SUPT3H: variants seen among roughly 807,000 people sequenced by gnomAD.
SUPT3H encodes the protein transcription initiation protein SPT3 homolog.
SUPT3H carries 44 observed loss-of-function variants against 44.3 expected under a neutral mutation model. That is an observed-to-expected ratio of 0.99 (90% CI 0.78 to 1.28). The LOEUF (loss-of-function observed/expected upper bound fraction) is 1.28, where lower values mean the gene tolerates loss of function less well. Among genes scored for constraint, SUPT3H ranks in the 50% most tolerant of loss-of-function variants. The probability of loss-of-function intolerance (pLI) is 0.00; values close to 1 mark genes in which losing one functional copy is unlikely to be tolerated. For missense variants in SUPT3H, 380 were observed against 387.1 expected (o/e 0.98, Z 0.15); for synonymous variants, 124 against 125.6 (o/e 0.99, Z 0.09).
chr6:44,860,881 T>C (rs1331606692), intron 10 of SUPT3H, among the ~76,000 whole-genome samples: 3 of 152,208 alleles, frequency 2.0e-5, no homozygotes, highest in South Asian at 4.1e-4. Context: ...GGGTGATATA[T>C]ATTTTTTTAA....
intron 5 of SUPT3H, among the ~76,000 whole-genome samples, chr6:45,006,529 A>G (rs1219191823): frequency 6.6e-6 from 1 of 151,958 alleles, no homozygotes; most frequent in Admixed American, 6.6e-5. Flanking sequence ...GGTTGGACAC[A>G]TTGCTTGAAC....
chr6:45,314,415 T>C (rs946539442), intron 2 of SUPT3H, among the ~76,000 whole-genome samples: 1 of 152,166 alleles, frequency 6.6e-6, no homozygotes, highest in African/African-American at 2.4e-5. Flanking sequence ...TCCAGAAAGC[T>C]CCTAGAATTG....
chr6:45,360,941 T>C (rs1158165603), intron 2 of SUPT3H, among the ~76,000 whole-genome samples: 1 of 152,146 alleles, frequency 6.6e-6, no homozygotes, highest in Non-Finnish European at 1.5e-5. Flanking sequence ...ATATGCCTCT[T>C]GAAGGCATTC....
chr6:44,825,806 C>CTATCT (rs1419001344), downstream of SUPT3H, among the ~76,000 whole-genome samples: 2 of 152,040 alleles, frequency 1.3e-5, no homozygotes, highest in African/African-American at 4.8e-5. Flanking sequence ...TCCTATCTAT[C>CTATCT]TATCTTTACC....
At chr6:45,364,298 A>G (rs999811303) in intron 2 of SUPT3H, among the ~76,000 whole-genome samples, 1 of 152,196 alleles carries the variant, frequency 6.6e-6, no homozygotes, top group African/African-American at 2.4e-5. Context: ...TCATGCAATT[A>G]TAAGACATCT....
chr6:45,027,820 T>A (rs1432385838), intron 3 of SUPT3H, among the ~76,000 whole-genome samples: 1 of 152,206 alleles, frequency 6.6e-6, no homozygotes, highest in African/African-American at 2.4e-5. Flanking sequence ...GAATTCTAGA[T>A]TAAAAATAAT....
In SUPT3H at chr6:45,247,169, G is replaced by A. The variant is rs895810447; in HGVS notation, c.101+118032C>T. ...CGTTGACGAATTAAAAGAAATTGAT[G>A]ATTTCCTTGAAACATACAAACTACC... On this transcript the variant is annotated intron_variant, in intron 2 of 10. Coordinates refer to ENST00000371459, the MANE Select transcript of SUPT3H (RefSeq NM_003599.4). 2.0e-5 allele frequency among the ~76,000 whole-genome samples: 3 copies of A among 152,144 alleles called. No individual in the cohort carries two copies. In the South Asian group the frequency reaches 6.2e-4, roughly 32 times the overall value.
At chr6:45,201,230 A>C (rs1245011657) in intron 2 of SUPT3H, among the ~76,000 whole-genome samples, 1 of 151,674 alleles carries the variant, frequency 6.6e-6, no homozygotes, top group Admixed American at 6.6e-5. Context: ...TTATTTTTTA[A>C]AGTTCAGTGT....
intron 2 of SUPT3H, among the ~76,000 whole-genome samples, chr6:45,311,205 C>G (rs761906491): frequency 6.6e-6 from 1 of 152,128 alleles, no homozygotes; most frequent in Non-Finnish European, 1.5e-5. Flanking sequence ...GGTCTTCGAA[C>G]TAACCCAATC....
In SUPT3H at chr6:44,961,813, T is replaced by C. The variant is rs762730173; in HGVS notation, c.520A>G (p.Thr174Ala). The change falls in exon 7 of 11, where the codon ACT becomes GCT. Residue 174 changes from threonine (T) to alanine (A), a missense_variant. Transcript: ENST00000371459. The stretch of plus-strand genomic sequence containing the variant: ...TATTGAGCTGAATCCATAATTCGAG[T>C]TTGTCTTTCTGCTCTCTAAAAGATA... The part of the protein sequence containing the change: ...QERMERAERQ[T>A]RIMDSAQYAE... 3 of 1,607,722 alleles carry C rather than the reference T, an allele frequency of 1.9e-6. No homozygotes were observed. Among genetic ancestry groups the C allele is most frequent in the Non-Finnish European group, 2.5e-6 (3 of 1,177,812 alleles).
rs953038673 is a variant in SUPT3H at position 45,171,469 on chromosome 6, C to T, written c.102-65463G>A. Among the ~76,000 whole-genome samples the T allele has an allele frequency of 5.9e-5, 9 of 152,208 alleles. No homozygotes were observed. The Middle Eastern group carries it at 0.017, about 288-fold the overall frequency. The stretch of plus-strand genomic sequence containing the variant: ...TAAATATAAACAAATATGGTAAGTA[C>T]ACCTACACAGAAATCAGTACATGCT... On this transcript the variant is annotated intron_variant, in intron 2 of 10. Coordinates refer to ENST00000371459, the MANE Select transcript of SUPT3H (RefSeq NM_003599.4).
At chr6:45,102,455 AAACC>A (rs1426474497) in intron 3 of SUPT3H, among the ~76,000 whole-genome samples, 1 of 152,228 alleles carries the variant, frequency 6.6e-6, no homozygotes, top group African/African-American at 2.4e-5. Flanking sequence ...AGCTAAAACA[AAACC>A]AACAAAAAGT....
rs1373792523 is a variant in SUPT3H at position 44,827,220 on chromosome 6, A to C, written c.*2596T>G. On this transcript the variant is annotated 3_prime_UTR_variant, in exon 11 of 11. Coordinates refer to ENST00000371459, the MANE Select transcript of SUPT3H (RefSeq NM_003599.4). ...TTAAGCCTGATGTGTAAGATAACAG[A>C]CTGTTTACTTAATACCACAGTCACA... Among the ~76,000 whole-genome samples, 5 of 152,158 alleles carry C rather than the reference A, an allele frequency of 3.3e-5. No individual in the cohort carries two copies. Among genetic ancestry groups the C allele is most frequent in the African/African-American group, 1.2e-4 (5 of 41,458 alleles).
chr6:44,845,878 G>A (rs1039390094), intron 10 of SUPT3H, among the ~76,000 whole-genome samples: 4 of 152,112 alleles, frequency 2.6e-5, no homozygotes, highest in Admixed American at 6.5e-5. Flanking sequence ...TGATTTTTCC[G>A]GTACACCAAG....
intron 6 of SUPT3H, among the ~76,000 whole-genome samples, chr6:44,976,001 T>G (rs1312336957): frequency 1.3e-5 from 2 of 152,166 alleles, no homozygotes; most frequent in African/African-American, 4.8e-5. Context: ...ATTAAATTAT[T>G]TATTCCTCTA....
intron 10 of SUPT3H, among the ~76,000 whole-genome samples, chr6:44,850,880 A>G (rs1433721510): frequency 6.6e-6 from 1 of 152,176 alleles, no homozygotes; most frequent in Non-Finnish European, 1.5e-5. Context: ...TAGTCATATT[A>G]GCATTCATAA....
rs1019582263 is a variant in SUPT3H at position 45,286,082 on chromosome 6, T to C, written c.101+79119A>G. On this transcript the variant is annotated intron_variant, in intron 2 of 10. Transcript: ENST00000371459. ...AACTGGATCCCTTCCTTACACCTTA[T>C]ACAAAAATTAATTCAAGATGGATTA... Among the ~76,000 whole-genome samples the C allele has an allele frequency of 1.2e-4, 18 of 149,988 alleles. No individual in the cohort carries two copies. The South Asian group carries it at 3.8e-3, about 32-fold the overall frequency.
rs542234173 is a variant in SUPT3H, at chr6:45,019,338, G to A, written c.273+1208C>T. Among the ~76,000 whole-genome samples, 253 of 151,814 alleles carry A rather than the reference G, an allele frequency of 1.7e-3. 2 individuals are homozygous for A. Among genetic ancestry groups the A allele is most frequent in the African/African-American group, 5.6e-3 (231 of 41,446 alleles). On this transcript the variant is annotated intron_variant, in intron 4 of 10. Transcript: ENST00000371459. ...AATTTTTTGAAGGGTTTTTTTGTGT[G>A]TCTATTTCCTTCAGTTCTGCTCTGA... is the stretch of plus-strand genomic sequence containing the variant.
intron 2 of SUPT3H, chr6:45,328,893 A>G (rs780227926): frequency 1.8e-6 from 2 of 1,135,588 alleles, no homozygotes; most frequent in Non-Finnish European, 2.7e-6. Context: ...AAAGATCCTA[A>G]TTATGCTATC....
Sources: allele counts gnomAD v4.1 joint callset (sites outside exome capture counted in the v4.1 genomes callset), GRCh38; gene constraint gnomAD v4.1.1; transcripts MANE v1.5; gene names NCBI Gene and HGNC (gene_info 2026-07-23, HGNC 2026-07-21).